The following CPT1B variants were observed in gnomAD, a reference collection of about 807,000 sequenced individuals.
CPT1B encodes the protein carnitine palmitoyltransferase 1B.
A neutral mutation model predicts 92.7 loss-of-function variants in CPT1B; 57 were observed. The ratio of observed to expected loss-of-function variants is 0.62; its 90% CI spans 0.50 to 0.77. The LOEUF is 0.77. Among genes scored for constraint, CPT1B ranks in the 30% least tolerant of loss-of-function variants. CPT1B has a pLI of 0.00. For missense variants in CPT1B, 983 were observed against 1,017.4 expected, an observed-to-expected ratio of 0.97 and a Z score of 0.46; for synonymous variants, 398 against 383.5, an observed-to-expected ratio of 1.04 and a Z score of -0.44.
In CPT1B at chr22:50,570,983, G is replaced by A. The variant is rs2146614505; in HGVS notation, c.1936C>T (p.Leu646=). 1 of 1,614,066 alleles carries A rather than the reference G, an allele frequency of 6.2e-7. No individual in the cohort carries two copies. The highest frequency in any genetic ancestry group is 8.5e-7 in the Non-Finnish European group (1 of 1,180,030). ...TCGATCCCTGCCCCGGTCATGGCCA[G>A]GCGGTACATATTCTGGTGCTTCTTA... ...AAKKHQNMYR[L]AMTGAGIDRH... The change falls in exon 16 of 20, where the codon CTG becomes TTG. Residue 646 remains leucine, a synonymous_variant. Coordinates refer to ENST00000312108, the MANE Select transcript of CPT1B (RefSeq NM_152246.3).
chr22:50,576,034 C>G lies in CPT1B; in HGVS notation c.777+1G>C, dbSNP rs74810343. 6.2e-7 allele frequency: 1 copy of G among 1,613,976 alleles called. No homozygotes were observed. Among genetic ancestry groups the G allele is most frequent in the South Asian group, 1.1e-5 (1 of 91,070 alleles). On this transcript the variant is annotated splice_donor_variant, in intron 7 of 19. Transcript: ENST00000312108. LOFTEE classifies it high-confidence loss of function. ...GGGGACCTGGGGGCTCTAGTTCATA[C>G]CATGACATAATAGTTGCTGTTCACC...
chr22:50,577,204 G>A (rs2070485334), intron 3 of CPT1B, 120 bp downstream of exon 3: 2 of 1,423,438 alleles, frequency 1.4e-6, no homozygotes, highest in Non-Finnish European at 9.7e-7. Context: ...ATAGGGGAGG[G>A]CTGCCCCGTG....
At chr22:50,574,027 CT>C (rs1377729492) in intron 9 of CPT1B, 3 of 691,428 alleles carry the variant, frequency 4.3e-6, no homozygotes, top group African/African-American at 3.5e-5. Flanking sequence ...TGCCAGACCC[CT>C]GGGTGCGCCC....
Position 50,572,987 on chromosome 22 carries a change from G to C in CPT1B, c.1240C>G (p.Arg414Gly). The change falls in exon 11 of 20, where the codon CGT (arginine) becomes GGT (glycine). Residue 414 changes from arginine to glycine, a missense_variant. Arg to Gly is a moderately radical substitution (Grantham distance 125). Coordinates refer to ENST00000312108, the MANE Select transcript of CPT1B (RefSeq NM_152246.3). ...KNKAALEAIE[R>G]AAFFVALDEE... is the part of the protein sequence containing the mutation. The stretch of plus-strand genomic sequence containing the variant: ...TCCAGGGCCACGAAGAAAGCGGCAC[G>C]CTCGATGGCCTCCAAGGCAGCCTTA... 1 of 1,613,680 alleles carries C rather than the reference G, an allele frequency of 6.2e-7. No individual in the cohort carries two copies. The highest frequency in any genetic ancestry group is 1.1e-5 in the South Asian group (1 of 91,084).
chr22:50,570,830 G>A, intron 16 of CPT1B, 61 bp downstream of exon 16: 1 of 1,579,134 alleles, frequency 6.3e-7, no homozygotes, highest in Non-Finnish European at 8.6e-7. Flanking sequence ...TCATGAGATG[G>A]CCCAAGCCCT....
chr22:50,569,573 C>T lies in CPT1B; in HGVS notation c.2235+3G>A. ...CAGGCCTGAGCTGTGGCAGGAGACT[C>T]ACCGTCTCTGAGCTTGAGAACTTGC... On this transcript the variant is annotated splice_donor_region_variant and intron_variant, in intron 18 of 19. Transcript: ENST00000312108. The T allele has an allele frequency of 7.4e-6, 12 of 1,613,614 alleles. No individual in the cohort carries two copies. Among genetic ancestry groups the T allele is most frequent in the Non-Finnish European group, 1.0e-5 (12 of 1,179,656 alleles).
intron 7 of CPT1B, 71 bp downstream of exon 7, chr22:50,575,964 C>T: frequency 6.8e-7 from 1 of 1,465,198 alleles, no homozygotes; most frequent in South Asian, 1.1e-5. Flanking sequence ...CTGGGCTGTC[C>T]TCCAGATCCC....
rs749675333 is a variant in CPT1B, at chr22:50,570,891, C to T, written c.2028G>A (p.Glu676=). ...YLGVSSPFLA[E]VLSEPWRLST... The stretch of plus-strand genomic sequence containing the variant: ...GGACACACCCAACAACGGTGCTGAC[C>T]TCAGCAAGGAAAGGAGAGCTGACTC... The change falls in exon 16 of 20, where the codon GAG becomes GAA. Residue 676 remains glutamate (E), a splice_region_variant and synonymous_variant. Transcript: ENST00000312108. 1 of 1,613,092 alleles carries T rather than the reference C, an allele frequency of 6.2e-7. No individual in the cohort carries two copies. Among genetic ancestry groups the T allele is most frequent in the African/African-American group, 1.3e-5 (1 of 74,922 alleles).
In CPT1B at chr22:50,573,638, CAT is replaced by C. The variant is rs1209674533; in HGVS notation, c.1046_1047del (p.Tyr349Ter). 1 of 1,613,422 alleles carries C rather than the reference CAT, an allele frequency of 6.2e-7. No individual in the cohort carries two copies. The highest frequency in any genetic ancestry group is 1.3e-5 in the African/African-American group (1 of 75,046). ...TGAGGCTTGAGCAGACGGGCGCCCT[CAT>C]AGAGCCACAGCTTGAAGAAGCGTCC... ...HKGRFFKLWL[Y>X]EGARLLKPQD... On this transcript the variant is annotated frameshift_variant, in exon 10 of 20. Transcript: ENST00000312108. LOFTEE classifies it high-confidence loss of function. The surrounding 1 kb of genome is among the most constrained non-coding windows in gnomAD (Gnocchi z 5.0).
At position 50,570,921 on chromosome 22, in the gene CPT1B, G is replaced by A. The variant is rs1368843773; in HGVS notation, c.1998C>T (p.Tyr666=). 1.9e-6 allele frequency: 3 copies of A among 1,613,768 alleles called. No individual in the cohort carries two copies. The highest frequency in any genetic ancestry group is 2.2e-5 in the East Asian group (1 of 44,888). ...HLFCLYLVSK[Y]LGVSSPFLAE... is the part of the protein sequence containing the mutation. ...CAAGGAAAGGAGAGCTGACTCCTAG[G>A]TACTTGGAGACCAAGTAAAGGCAGA... is the stretch of plus-strand genomic sequence containing the variant. Residue 666 remains tyrosine (Y), a synonymous_variant, in exon 16 of 20, where the codon TAC becomes TAT. Coordinates refer to ENST00000312108, the MANE Select transcript of CPT1B (RefSeq NM_152246.3).
intron 7 of CPT1B, among the ~76,000 whole-genome samples, chr22:50,575,473 CA>C (rs1201985620): frequency 6.6e-6 from 1 of 152,214 alleles, no homozygotes; most frequent in Non-Finnish European, 1.5e-5. Flanking sequence ...TAGGCTCTGG[CA>C]AGTCAAGTGT....
Position 50,576,285 on chromosome 22 carries a change from C to T in CPT1B, c.612G>A (p.Met204Ile). The T allele has an allele frequency of 1.9e-6, 3 of 1,614,082 alleles. No individual in the cohort carries two copies. Among genetic ancestry groups the T allele is most frequent in the Non-Finnish European group, 2.5e-6 (3 of 1,180,032 alleles). Residue 204 changes from methionine to isoleucine, a missense_variant, in exon 6 of 20, where the codon ATG becomes ATA. Transcript: ENST00000312108. ...PLLDDEEYYR[M>I]ELLAKEFQDK... ...CCTGGAATTCTTTGGCCAGCAACTC[C>T]ATGCGGTAATATTCCTCATCATCCA...
chr22:50,570,810 C>G, intron 16 of CPT1B, 81 bp downstream of exon 16: 1 of 1,541,806 alleles, frequency 6.5e-7, no homozygotes, highest in Non-Finnish European at 8.8e-7. Context: ...GGAAAACAGG[C>G]CGTGCTCCAT....
chr22:50,570,753 C>T (rs906447377), intron 16 of CPT1B, 138 bp downstream of exon 16: 41 of 1,167,844 alleles, frequency 3.5e-5, no homozygotes, highest in Admixed American at 8.8e-5. Context: ...GGGGTGTGGG[C>T]GGGAAAGCTG....
At chr22:50,576,386 T>C (rs1412764477) in intron 5 of CPT1B, 51 bp from the exon 6 acceptor site, 1 of 1,612,852 alleles carries the variant, frequency 6.2e-7, no homozygotes, top group Admixed American at 1.7e-5. Context: ...GGGCTGCCTC[T>C]ATCTTAATCC....
intron 7 of CPT1B, 190 bp from the exon 8 acceptor site, chr22:50,574,790 C>A: frequency 1.7e-6 from 1 of 586,060 alleles, no homozygotes; most frequent in Non-Finnish European, 3.1e-6. Flanking sequence ...GCTCCAGCTT[C>A]AGCCTGAGCT....
chr22:50,575,760 G>A (rs1457233808), intron 7 of CPT1B, among the ~76,000 whole-genome samples: 1 of 152,206 alleles, frequency 6.6e-6, no homozygotes, highest in African/African-American at 2.4e-5. Context: ...GACAGAGCCC[G>A]AGCTGGGCAG....
chr22:50,569,663 T>C lies in CPT1B; in HGVS notation c.2148A>G (p.Ala716=). Residue 716 remains alanine (A), a synonymous_variant, in exon 18 of 20, where the codon GCA becomes GCG. Coordinates refer to ENST00000312108, the MANE Select transcript of CPT1B (RefSeq NM_152246.3). ...TGTAGGAAACTCCATAGCCATCATC[T>C]GCTACCTGAGGGCAACAAGAAGGGT... ...LGAGGGFGPV[A]DDGYGVSYMI... 1 of 1,613,754 alleles carries C rather than the reference T, an allele frequency of 6.2e-7. No homozygotes were observed. The highest frequency in any genetic ancestry group is 8.5e-7 in the Non-Finnish European group (1 of 1,179,742).
At position 50,573,796 on chromosome 22, in the gene CPT1B, A is replaced by T; in HGVS notation, c.971-81T>A. The stretch of plus-strand genomic sequence containing the variant: ...GGGCCCACCTCCCATGCACTAGGTG[A>T]CCCCTGCAGACCCTGTTTTGCTCGG... On this transcript the variant is annotated intron_variant, in intron 9 of 19. Transcript: ENST00000312108. This position sits in a 1 kb window ranked among gnomAD's most constrained non-coding sequence, Gnocchi z 5.0. The T allele has an allele frequency of 8.0e-7, 1 of 1,249,138 alleles. No individual in the cohort carries two copies. Among genetic ancestry groups the T allele is most frequent in the South Asian group, 1.3e-5 (1 of 78,450 alleles). The allele number at this position is 1,249,138 out of a possible 1,614,324, so 77.4% of individuals were successfully genotyped here.
Sources: allele counts gnomAD v4.1 joint callset (sites outside exome capture counted in the v4.1 genomes callset), GRCh38; gene constraint gnomAD v4.1.1; non-coding constraint Gnocchi (gnomAD v3.1); transcripts MANE v1.5; gene names NCBI Gene and HGNC (gene_info 2026-07-23, HGNC 2026-07-21).